Variants in COL21A1 observed in about 807,000 individuals in gnomAD.
The protein encoded by COL21A1 is collagen alpha-1(XXI) chain.
A neutral mutation model predicts 137.9 loss-of-function variants in COL21A1; 149 were observed. That is an observed-to-expected ratio of 1.08 (90% CI 0.95 to 1.24). COL21A1 has a LOEUF of 1.24. Ranked by LOEUF, COL21A1 falls within the 50% of genes most tolerant of loss-of-function variation. The pLI is 0.00. For missense variants in COL21A1, 1,167 were observed against 1,158.4 expected, an observed-to-expected ratio of 1.01 and a Z score of -0.11; for synonymous variants, 456 against 391.5, an observed-to-expected ratio of 1.16 and a Z score of -1.95.
At chr6:56,279,683 G>A (rs1362477537) in intron 1 of COL21A1, among the ~76,000 whole-genome samples, 1 of 152,194 alleles carries the variant, frequency 6.6e-6, no homozygotes, top group African/African-American at 2.4e-5. Flanking sequence ...ATCAAGTGAG[G>A]TGCTTAAATG....
intron 12 of COL21A1, among the ~76,000 whole-genome samples, chr6:56,130,165 T>TTATATATATATATATATATATATA (rs201644225): frequency 9.3e-6 from 1 of 107,946 alleles, no homozygotes; most frequent in African/African-American, 3.6e-5. Context: ...TGACAGGGTT[T>TTATATATATATATATATATATATA]TATATATATA....
chr6:56,064,336 G>A (rs1028527552), intron 24 of COL21A1, among the ~76,000 whole-genome samples: 8 of 152,032 alleles, frequency 5.3e-5, no homozygotes, highest in Non-Finnish European at 1.0e-4. Context: ...TTGCTTGGAC[G>A]CATTAAAAAA....
chr6:56,097,740 C>A lies in COL21A1; in HGVS notation c.1812+3732G>T, dbSNP rs1447605959. ...AGGAAAGCATCTTCTAAGCACTCCT[C>A]ATTTTATATTTTTTATATATATATA... On this transcript the variant is annotated intron_variant, in intron 17 of 29. Transcript: ENST00000244728. 1.5e-5 allele frequency among the ~76,000 whole-genome samples: 2 copies of A among 130,208 alleles called. 1 individual carries two copies. The highest frequency in any genetic ancestry group is 4.5e-4 in the South Asian group (2 of 4,452). The allele number at this position is 130,208 out of a possible 152,430, so 85.4% of individuals were successfully genotyped here.
intron 1 of COL21A1, among the ~76,000 whole-genome samples, chr6:56,315,677 C>CTTCCTCCTCTCCCTCT (rs143965787): frequency 6.8e-6 from 1 of 147,538 alleles, no homozygotes; most frequent in African/African-American, 2.5e-5. Context: ...CTCCCTCTTC[C>CTTCCTCCTCTCCCTCT]TCCTCATCTC....
chr6:56,332,544 C>T (rs567396630), intron 1 of COL21A1, among the ~76,000 whole-genome samples: 14 of 150,026 alleles, frequency 9.3e-5, no homozygotes, highest in African/African-American at 2.5e-4. Context: ...ATTTATGTCT[C>T]AAAGGATTGG....
In COL21A1 at chr6:56,061,291, C is replaced by T. The variant is rs533948523; in HGVS notation, c.2206-254G>A. 12 of 498,098 alleles carry T rather than the reference C, an allele frequency of 2.4e-5. No individual in the cohort carries two copies. The South Asian group carries it at 2.5e-4, about 10-fold the overall frequency. The allele number at this position is 498,098 out of a possible 1,614,324, so 30.9% of individuals were successfully genotyped here. A position where few individuals can be genotyped will look rare whatever the true frequency, so the allele number is the denominator to read the frequency against. On this transcript the variant is annotated intron_variant, in intron 25 of 29. Coordinates refer to ENST00000244728, the MANE Select transcript of COL21A1 (RefSeq NM_030820.4). ...GATTGAGTATATTGTATAGGTAATACGCATACTGCCAGAGATAAAACAATG... is the reference window on the plus strand; with the variant it reads ...GATTGAGTATATTGTATAGGTAATATGCATACTGCCAGAGATAAAACAATG...
chr6:56,355,057 G>C (rs937789915), intron 1 of COL21A1, among the ~76,000 whole-genome samples: 1 of 152,106 alleles, frequency 6.6e-6, no homozygotes, highest in East Asian at 1.9e-4. Flanking sequence ...GACTCAGGGG[G>C]TTCTCGTTGT....
At chr6:56,184,670 G>T (rs774879371) in intron 1 of COL21A1, among the ~76,000 whole-genome samples, 1 of 152,156 alleles carries the variant, frequency 6.6e-6, no homozygotes, top group Non-Finnish European at 1.5e-5. Context: ...CAATATGCTG[G>T]AGAGAAAACA....
In COL21A1 at chr6:56,128,723, C is replaced by T. The variant is rs547808712; in HGVS notation, c.1543-2574G>A. ...AGGCTGGAGTGAAGTGGTGTGATCG[C>T]GGCTCACTGCAACCTCTGCCCCCCA... On this transcript the variant is annotated intron_variant, in intron 12 of 29. Coordinates refer to ENST00000244728, the MANE Select transcript of COL21A1 (RefSeq NM_030820.4). Among the ~76,000 whole-genome samples the T allele has an allele frequency of 1.3e-4, 20 of 152,214 alleles. No individual in the cohort carries two copies. The East Asian group carries it at 2.5e-3, about 19-fold the overall frequency.
chr6:56,363,554 G>C (rs1277485907), intron 1 of COL21A1, among the ~76,000 whole-genome samples: 3 of 152,210 alleles, frequency 2.0e-5, no homozygotes, highest in Non-Finnish European at 4.4e-5. Flanking sequence ...GCATTACCAG[G>C]TGATTGTGTG....
intron 1 of COL21A1, among the ~76,000 whole-genome samples, chr6:56,349,338 G>A (rs1442112017): frequency 3.6e-5 from 4 of 109,630 alleles, no homozygotes; most frequent in South Asian, 4.5e-4. Context: ...ATAAAGACCC[G>A]CCCCCCTGAA....
In COL21A1 at chr6:56,306,059, G is replaced by GCCC. The variant is rs1764443023; in HGVS notation, c.-39+87911_-39+87912insGGG. ...CTTTTCTTTAAGAATGTTGAATATT[G>GCCC]GCACTCTCTTCTGGCTTGTAGAGTT... On this transcript the variant is annotated intron_variant, in intron 1 of 28. Coordinates refer to the COL21A1 transcript ENST00000370819. Among the ~76,000 whole-genome samples, 2 of 26,720 alleles carry GCCC rather than the reference G, an allele frequency of 7.5e-5. 1 individual carries two copies. Among genetic ancestry groups the GCCC allele is most frequent in the Non-Finnish European group, 6.2e-4 (2 of 3,232 alleles). 17.5% of individuals were successfully genotyped at this position (26,720 alleles called of 152,430 possible).
chr6:56,116,982 T>C (rs1771993684), intron 16 of COL21A1, among the ~76,000 whole-genome samples: 1 of 151,720 alleles, frequency 6.6e-6, no homozygotes, highest in Admixed American at 6.6e-5. Flanking sequence ...CTAAGTTATA[T>C]CACCAGAGAA....
chr6:56,106,453 TTA>T (rs1378067514), intron 16 of COL21A1, among the ~76,000 whole-genome samples: 2 of 152,256 alleles, frequency 1.3e-5, no homozygotes, highest in South Asian at 2.1e-4. Flanking sequence ...AATCAACACA[TTA>T]TGTTTCTCAC....
intron 16 of COL21A1, 24 bp downstream of exon 16, chr6:56,124,038 C>CA: frequency 7.2e-7 from 1 of 1,392,216 alleles, no homozygotes; most frequent in Non-Finnish European, 9.5e-7. Context: ...TTTGTTTTGT[C>CA]CTTTTTTTTT....
At chr6:56,338,428 A>C (rs899977292) in intron 1 of COL21A1, among the ~76,000 whole-genome samples, 5 of 150,410 alleles carry the variant, frequency 3.3e-5, no homozygotes, top group Non-Finnish European at 6.0e-5. Flanking sequence ...CAATGGAGAT[A>C]GGCTCCACCC....
At chr6:56,129,699 T>TGAGAGAGAGA (rs3065909) in intron 12 of COL21A1, among the ~76,000 whole-genome samples, 2 of 120,440 alleles carry the variant, frequency 1.7e-5, no homozygotes, top group African/African-American at 6.2e-5. Context: ...TGTGTGTGTG[T>TGAGAGAGAGA]GAGAGAGAGA....
chr6:56,355,216 T>G (rs1765803741), intron 1 of COL21A1, among the ~76,000 whole-genome samples: 2 of 152,364 alleles, frequency 1.3e-5, no homozygotes, highest in Middle Eastern at 3.4e-3. Context: ...TGACACCCGC[T>G]ATGGAATAGT....
intron 28 of COL21A1, 121 bp from the exon 29 acceptor site, chr6:56,059,363 T>C: frequency 1.7e-6 from 1 of 595,464 alleles, no homozygotes; most frequent in Non-Finnish European, 2.8e-6. Flanking sequence ...GCTTGCCATC[T>C]ATTTTTTCTT....
Sources: allele counts gnomAD v4.1 joint callset (sites outside exome capture counted in the v4.1 genomes callset), GRCh38; gene constraint gnomAD v4.1.1; transcripts MANE v1.5; gene names NCBI Gene and HGNC (gene_info 2026-07-23, HGNC 2026-07-21).